ELOA: variants seen among roughly 807,000 people sequenced by gnomAD.
ELOA encodes elongin A.
ELOA carries 15 observed loss-of-function variants against 85.2 expected under a neutral mutation model. The observed-to-expected ratio is 0.18, with a 90% CI of 0.12 to 0.27. ELOA has a LOEUF of 0.27. ELOA is among the 10% of genes least tolerant of loss of function. ELOA has a pLI of 1.00. For synonymous variants in ELOA, 348 were observed against 357.2 expected (o/e 0.97, Z 0.29); for missense variants, 769 against 952.7 (o/e 0.81, Z 2.54).
rs1449164817 is a variant in ELOA at position 23,751,756 on chromosome 1, C to T, written c.1151C>T (p.Ser384Leu). ...GKVKTNLDRK[S>L]LGSLPKVEET... ...GTCAAAACTAATTTGGATAGAAAGT[C>T]ACTGGGCTCCCTCCCTAAAGTTGAG... The change falls in exon 4 of 11, where the codon TCA becomes TTA. Residue 384 changes from serine to leucine, a missense_variant. Physicochemically the swap from Ser to Leu is moderately radical, Grantham distance 145. Coordinates refer to ENST00000613537, the MANE Select transcript of ELOA (RefSeq NM_003198.3). 6.8e-6 allele frequency: 11 copies of T among 1,614,184 alleles called. No individual in the cohort carries two copies. Among genetic ancestry groups the T allele is most frequent in the Non-Finnish European group, 9.3e-6 (11 of 1,180,038 alleles).
At chr1:23,759,462 G>T in intron 10 of ELOA, 50 bp from the exon 11 acceptor site, 1 of 1,603,366 alleles carries the variant, frequency 6.2e-7, no homozygotes, top group Non-Finnish European at 8.5e-7. Flanking sequence ...CTGGGGGTGT[G>T]TCTAAGCCGC....
chr1:23,749,697 A>T, intron 2 of ELOA, 145 bp from the exon 3 acceptor site: 1 of 670,684 alleles, frequency 1.5e-6, no homozygotes, highest in South Asian at 2.2e-5. Flanking sequence ...CATAGACACA[A>T]AGTAATTTAG....
chr1:23,748,113 G>A (rs1644754534), intron 1 of ELOA, among the ~76,000 whole-genome samples: 1 of 152,166 alleles, frequency 6.6e-6, no homozygotes, highest in African/African-American at 2.4e-5. Flanking sequence ...AGGGCAGAAC[G>A]CTGAAAGCTG....
intron 3 of ELOA, among the ~76,000 whole-genome samples, chr1:23,750,170 C>CCTTTTTTTTTTTT (rs1553125603): frequency 1.1e-5 from 1 of 90,536 alleles, no homozygotes. Context: ...TGGTACGTTT[C>CCTTTTTTTTTTTT]TTTTTTTTTT....
At chr1:23,756,078 TAGC>T in intron 8 of ELOA, 55 bp downstream of exon 8, 2 of 1,584,188 alleles carry the variant, frequency 1.3e-6, no homozygotes, top group Admixed American at 1.8e-5. Context: ...TTCTGGTCAA[TAGC>T]AGGGTGTTGG....
In ELOA at chr1:23,751,712, A is replaced by G. The variant is rs758196955; in HGVS notation, c.1107A>G (p.Leu369=). 2 of 1,614,208 alleles carry G rather than the reference A, an allele frequency of 1.2e-6. No homozygotes were observed. The highest frequency in any genetic ancestry group is 2.2e-5 in the East Asian group (1 of 44,890). The part of the protein sequence containing the change: ...PKVKEKGSNN[L]KTPEGKVKTN... ...TAAAAGAGAAGGGTTCTAACAACCT[A>G]AAGACTCCAGAAGGGAAAGTCAAAA... The change falls in exon 4 of 11, where the codon CTA becomes CTG. Residue 369 remains leucine (L), a synonymous_variant. Coordinates refer to ENST00000613537, the MANE Select transcript of ELOA (RefSeq NM_003198.3).
chr1:23,748,461 T>TTG (rs1306709922), intron 1 of ELOA, among the ~76,000 whole-genome samples: 1 of 152,192 alleles, frequency 6.6e-6, no homozygotes, highest in Non-Finnish European at 1.5e-5. Context: ...CCCAGGCATT[T>TTG]TGTGTCCACC....
intron 10 of ELOA, 119 bp from the exon 11 acceptor site, chr1:23,759,393 G>A: frequency 1.1e-6 from 1 of 920,474 alleles, no homozygotes; most frequent in Non-Finnish European, 1.8e-6. Context: ...GTTACTACTT[G>A]TATCTCTGCC....
At chr1:23,749,251 A>G (rs947541489) in intron 2 of ELOA, among the ~76,000 whole-genome samples, 174 bp downstream of exon 2, 2 of 152,236 alleles carry the variant, frequency 1.3e-5, no homozygotes, top group African/African-American at 4.8e-5. Context: ...GCAAATCCAT[A>G]GACAGAAAGT....
chr1:23,749,109 A>G (rs767665101), intron 2 of ELOA, 32 bp downstream of exon 2: 67 of 1,543,088 alleles, frequency 4.3e-5, no homozygotes, highest in Non-Finnish European at 6.0e-5. Context: ...ATATTATATA[A>G]TGATATCCCA....
chr1:23,746,881 C>T (rs1438098921), intron 1 of ELOA, among the ~76,000 whole-genome samples: 1 of 152,098 alleles, frequency 6.6e-6, no homozygotes, highest in African/African-American at 2.4e-5. Context: ...CCCAATGTGC[C>T]TTTGCCTTGT....
In ELOA at chr1:23,754,443, A is replaced by G; in HGVS notation, c.1774A>G (p.Ile592Val). ...GTGTACACCTGATCAGCTGTATCGC[A>G]TAGAGGAATACAATCATGTGAGTAT... is the stretch of plus-strand genomic sequence containing the variant. ...ERCTPDQLYR[I>V]EEYNHVLIEE... is the part of the protein sequence containing the mutation. The change falls in exon 7 of 11, where the codon ATA becomes GTA. Residue 592 changes from isoleucine to valine, a missense_variant. Around this residue, in one of 4 missense-constraint regions of ELOA, gnomAD observed 193 missense variants for 278.9 expected, o/e 0.69. Coordinates refer to ENST00000613537, the MANE Select transcript of ELOA (RefSeq NM_003198.3). 2 of 1,614,042 alleles carry G rather than the reference A, an allele frequency of 1.2e-6. No individual in the cohort carries two copies. Among genetic ancestry groups the G allele is most frequent in the Non-Finnish European group, 1.7e-6 (2 of 1,179,906 alleles).
At position 23,751,934 on chromosome 1, in the gene ELOA, C is replaced by T; in HGVS notation, c.1329C>T (p.Ser443=). 6.2e-7 allele frequency: 1 copy of T among 1,613,846 alleles called. No homozygotes were observed. Among genetic ancestry groups the T allele is most frequent in the South Asian group, 1.1e-5 (1 of 91,038 alleles). The change falls in exon 4 of 11, where the codon AGC becomes AGT. Residue 443 remains serine (S), a synonymous_variant. Transcript: ENST00000613537. The part of the protein sequence containing the change: ...DKGLKKNDSK[S]TGKNLDSVQK... ...GACTTAAAAAAAATGACTCTAAAAGCACTGGTAAAAACTTGGACTCAGTTC... is the reference window on the plus strand; with the variant it reads ...GACTTAAAAAAAATGACTCTAAAAGTACTGGTAAAAACTTGGACTCAGTTC...
chr1:23,749,190 A>G (rs1488074298), intron 2 of ELOA, 113 bp downstream of exon 2: 1 of 875,150 alleles, frequency 1.1e-6, no homozygotes, highest in Non-Finnish European at 1.8e-6. Flanking sequence ...GAAACCAGAC[A>G]CAAAAGGCCA....
At chr1:23,753,982 T>G (rs1369451797) in intron 5 of ELOA, 118 bp from the exon 6 acceptor site, 1 of 1,253,012 alleles carries the variant, frequency 8.0e-7, no homozygotes, top group Non-Finnish European at 1.1e-6. Flanking sequence ...TCTGGAAGGA[T>G]CTACAAAAAT....
At chr1:23,743,663 CG>C in intron 1 of ELOA, 85 bp downstream of exon 1, 1 of 1,360,782 alleles carries the variant, frequency 7.3e-7, no homozygotes, top group African/African-American at 1.5e-5. Flanking sequence ...TGGCGGGGTT[CG>C]GGGGCTGGGA....
At chr1:23,744,774 A>C (rs1164471785) in intron 1 of ELOA, among the ~76,000 whole-genome samples, 2 of 152,172 alleles carry the variant, frequency 1.3e-5, no homozygotes, top group Non-Finnish European at 2.9e-5. Flanking sequence ...GGGCAGTTCT[A>C]GGAGTTGGAA....
In ELOA at chr1:23,751,238, G is replaced by A. The variant is rs1644768933; in HGVS notation, c.633G>A (p.Gly211=). ...QEPIVSHQKP[G]KGHSNAFQDR... Reference sequence around the variant, plus strand: ...CCATTGTTTCACACCAGAAGCCTGGGAAAGGCCACAGCAATGCCTTTCAGG... The same window carrying A: ...CCATTGTTTCACACCAGAAGCCTGGAAAAGGCCACAGCAATGCCTTTCAGG... The change falls in exon 4 of 11, where the codon GGG becomes GGA. Residue 211 remains glycine, a synonymous_variant. Coordinates refer to ENST00000613537, the MANE Select transcript of ELOA (RefSeq NM_003198.3). The A allele has an allele frequency of 1.9e-6, 3 of 1,614,206 alleles. No individual in the cohort carries two copies. The highest frequency in any genetic ancestry group is 2.5e-6 in the Non-Finnish European group (3 of 1,180,046).
chr1:23,755,495 T>C (rs1256910113), intron 7 of ELOA, among the ~76,000 whole-genome samples: 1 of 152,058 alleles, frequency 6.6e-6, no homozygotes, highest in Non-Finnish European at 1.5e-5. Flanking sequence ...CAGAAAAAGA[T>C]ATGAGGCTGG....
Sources: allele counts gnomAD v4.1 joint callset (sites outside exome capture counted in the v4.1 genomes callset), GRCh38; gene constraint gnomAD v4.1.1; regional missense constraint gnomAD v4.1.1; transcripts MANE v1.5; gene names NCBI Gene and HGNC (gene_info 2026-07-23, HGNC 2026-07-21).